Variants in CARMIL1 observed in about 807,000 individuals in gnomAD.
CARMIL1 encodes F-actin-uncapping protein LRRC16A.
Under a neutral mutation model 177.1 loss-of-function variants are expected in CARMIL1, and 90 were observed. The observed-to-expected ratio is 0.51, with a 90% CI of 0.43 to 0.61. The LOEUF (loss-of-function observed/expected upper bound fraction) is 0.61. Ranked by LOEUF, CARMIL1 falls within the 20% of genes least tolerant of loss-of-function variation. The pLI, the probability that CARMIL1 is intolerant of heterozygous loss-of-function variation, is 0.00. For missense variants in CARMIL1, 1,380 were observed against 1,667.0 expected (o/e 0.83, Z 3.00); for synonymous variants, 577 against 606.2 (o/e 0.95, Z 0.71).
At chr6:25,608,681 T>A (rs1395737821) in intron 35 of CARMIL1, among the ~76,000 whole-genome samples, 1 of 152,230 alleles carries the variant, frequency 6.6e-6, no homozygotes, top group African/African-American at 2.4e-5. Flanking sequence ...TCTCATTTCC[T>A]CTCCGCCACA....
intron 5 of CARMIL1, among the ~76,000 whole-genome samples, chr6:25,445,748 C>A (rs181923321): frequency 6.6e-6 from 1 of 151,850 alleles, no homozygotes; most frequent in Non-Finnish European, 1.5e-5. Flanking sequence ...CCATGTTAGC[C>A]GGGATGGTCT....
At chr6:25,539,889 G>A in intron 25 of CARMIL1, 58 bp from the exon 26 acceptor site, 2 of 1,322,148 alleles carry the variant, frequency 1.5e-6, no homozygotes, top group Non-Finnish European at 2.0e-6. Context: ...ACTCTGCAAT[G>A]ACTTTGATTG....
At chr6:25,404,830 C>T (rs1562093539) in intron 2 of CARMIL1, among the ~76,000 whole-genome samples, 1 of 142,754 alleles carries the variant, frequency 7.0e-6, no homozygotes, top group Middle Eastern at 3.8e-3. Context: ...AACTGGGGCA[C>T]CCGGCCTGTT....
intron 32 of CARMIL1, among the ~76,000 whole-genome samples, chr6:25,594,866 C>T (rs917063670): frequency 2.0e-5 from 3 of 152,186 alleles, no homozygotes; most frequent in Non-Finnish European, 4.4e-5. Context: ...TATACCACCC[C>T]AAGATTCTTT....
chr6:25,308,577 T>A (rs1257730277), intron 2 of CARMIL1, among the ~76,000 whole-genome samples: 3 of 152,086 alleles, frequency 2.0e-5, no homozygotes, highest in Non-Finnish European at 2.9e-5. Context: ...GAGATGGGGT[T>A]TCACCTTGTT....
chr6:25,534,353 C>G (rs1808076545), intron 24 of CARMIL1, among the ~76,000 whole-genome samples: 1 of 151,970 alleles, frequency 6.6e-6, no homozygotes, highest in Non-Finnish European at 1.5e-5. Flanking sequence ...ACTGTCCTGC[C>G]TTAACCCATC....
At chr6:25,311,075 G>A (rs1405672916) in intron 2 of CARMIL1, among the ~76,000 whole-genome samples, 2 of 152,022 alleles carry the variant, frequency 1.3e-5, no homozygotes, top group South Asian at 2.1e-4. Context: ...CCAGCCACTC[G>A]GGAGGCTGAG....
chr6:25,288,319 C>T (rs1016660522), intron 2 of CARMIL1, among the ~76,000 whole-genome samples: 3 of 152,236 alleles, frequency 2.0e-5, no homozygotes, highest in East Asian at 1.9e-4. Flanking sequence ...AGCCTGAGTC[C>T]TGTCCTTGCA....
chr6:25,524,475 C>T (rs1268473706), intron 23 of CARMIL1, among the ~76,000 whole-genome samples: 1 of 152,152 alleles, frequency 6.6e-6, no homozygotes, highest in Non-Finnish European at 1.5e-5. Context: ...ACAACAAATA[C>T]TAAACAGAGC....
intron 8 of CARMIL1, 93 bp from the exon 9 acceptor site, chr6:25,465,780 A>G (rs1231563836): frequency 1.3e-6 from 1 of 771,406 alleles, no homozygotes; most frequent in Non-Finnish European, 2.3e-6. Context: ...AATAGAAATT[A>G]ACAGGTGAAC....
intron 23 of CARMIL1, 110 bp from the exon 24 acceptor site, chr6:25,528,685 T>C (rs485567): frequency 0.17 from 126,857 of 766,864 alleles, 11,504 homozygotes; most frequent in Middle Eastern, 0.25. Context: ...TGGCAGGATG[T>C]GTATATTCAC....
chr6:25,435,454 C>T (rs1022253611), intron 4 of CARMIL1, 29 bp from the exon 5 acceptor site: 2 of 1,546,986 alleles, frequency 1.3e-6, no homozygotes, highest in African/African-American at 2.7e-5. Flanking sequence ...TGGACTCATT[C>T]TTAAGAAGTG....
chr6:25,331,289 T>C (rs1039785872), intron 2 of CARMIL1, among the ~76,000 whole-genome samples: 11 of 152,236 alleles, frequency 7.2e-5, no homozygotes, highest in Admixed American at 1.3e-4. Context: ...TGAAAAGCCC[T>C]GCACAGTATT....
At chr6:25,443,934 G>T (rs1797982029) in intron 5 of CARMIL1, among the ~76,000 whole-genome samples, 2 of 152,076 alleles carry the variant, frequency 1.3e-5, no homozygotes, top group Non-Finnish European at 2.9e-5. Context: ...CTCCGGAGTA[G>T]CTGGGATTAC....
intron 2 of CARMIL1, among the ~76,000 whole-genome samples, chr6:25,361,067 T>G (rs1242687675): frequency 6.6e-6 from 1 of 152,174 alleles, no homozygotes; most frequent in Non-Finnish European, 1.5e-5. Flanking sequence ...AGACTTGTTT[T>G]CATTATGTTA....
chr6:25,594,267 T>C (rs988969370), intron 31 of CARMIL1, 148 bp from the exon 32 acceptor site: 4 of 555,920 alleles, frequency 7.2e-6, no homozygotes, highest in African/African-American at 5.7e-5. Flanking sequence ...ATTGTACATA[T>C]GGCTTCTATT....
At chr6:25,284,512 C>T (rs987835645) in intron 1 of CARMIL1, among the ~76,000 whole-genome samples, 6 of 152,174 alleles carry the variant, frequency 3.9e-5, no homozygotes, top group Non-Finnish European at 5.9e-5. Context: ...GAGTTCAAGA[C>T]CAGCCTGACC....
intron 36 of CARMIL1, among the ~76,000 whole-genome samples, chr6:25,611,757 A>T (rs923947169): frequency 3.3e-5 from 5 of 152,212 alleles, no homozygotes; most frequent in African/African-American, 9.6e-5. Flanking sequence ...TGTTTTCTAG[A>T]TGCCTATAGA....
intron 2 of CARMIL1, among the ~76,000 whole-genome samples, chr6:25,416,036 C>T (rs796261733): frequency 3.9e-5 from 6 of 151,972 alleles, no homozygotes; most frequent in African/African-American, 1.2e-4. Context: ...GAGGTACATA[C>T]GTAGAATCAT....
Sources: allele counts gnomAD v4.1 joint callset (sites outside exome capture counted in the v4.1 genomes callset), GRCh38; gene constraint gnomAD v4.1.1; transcripts MANE v1.5; gene names NCBI Gene and HGNC (gene_info 2026-07-23, HGNC 2026-07-21).